The following ECE1 variants were observed in gnomAD, a reference collection of about 807,000 sequenced individuals.
ECE1 encodes endothelin converting enzyme 1.
ECE1 carries 35 observed loss-of-function variants against 98.6 expected under a neutral mutation model. That is an observed-to-expected ratio of 0.35 (90% confidence interval 0.27 to 0.47). ECE1 has a LOEUF of 0.47. ECE1 is among the 20% of genes least tolerant of loss of function. The probability of loss-of-function intolerance (pLI) is 1.00; values close to 1 mark genes in which losing one functional copy is unlikely to be tolerated. For missense variants in ECE1, 814 were observed against 1,025.3 expected (o/e 0.79, Z 2.81); for synonymous variants, 394 against 407.1 (o/e 0.97, Z 0.39).
chr1:21,319,398 G>A lies in ECE1; in HGVS notation c.3+25978C>T, dbSNP rs213015. ...TAATCATAATCATAAAGTGGACTAC[G>A]CAGGGCTTTTCTAGAGACATGATAA... On this transcript the variant is annotated intron_variant, in intron 1 of 18. Transcript: ENST00000415912. This position sits in a 1 kb window ranked among gnomAD's most constrained non-coding sequence, Gnocchi z 4.4. 0.12 allele frequency among the ~76,000 whole-genome samples: 18,765 copies of A among 151,960 alleles called. 1,431 individuals carry two copies. Among genetic ancestry groups the A allele is most frequent in the East Asian group, 0.38 (1,926 of 5,136 alleles).
rs562041565 is a variant in ECE1 at position 21,302,665 on chromosome 1, G to A, written c.4-12509C>T. ...CCCTGCCCTGAGGAATGCACAGAACGCCAGAGTGGGAGCCAGAAGTCCTGG... is the reference window on the plus strand; with the variant it reads ...CCCTGCCCTGAGGAATGCACAGAACACCAGAGTGGGAGCCAGAAGTCCTGG... On this transcript the variant is annotated intron_variant, in intron 1 of 18. Transcript: ENST00000415912. 2.2e-3 allele frequency among the ~76,000 whole-genome samples: 333 copies of A among 152,250 alleles called. 1 individual carries two copies. The highest frequency in any genetic ancestry group is 3.4e-3 in the Middle Eastern group (1 of 294).
intron 4 of ECE1, among the ~76,000 whole-genome samples, chr1:21,270,902 A>G (rs2098239432): frequency 1.3e-5 from 2 of 152,168 alleles, no homozygotes; most frequent in Admixed American, 6.6e-5. Context: ...CCACCTTGTT[A>G]TACTACCTGG....
intron 3 of ECE1, among the ~76,000 whole-genome samples, chr1:21,278,126 A>G (rs1180125276): frequency 6.6e-6 from 1 of 152,206 alleles, no homozygotes; most frequent in Non-Finnish European, 1.5e-5. Context: ...TGCTGAGCAG[A>G]GCCCCCAGAG....
intron 2 of ECE1, among the ~76,000 whole-genome samples, chr1:21,284,506 TGA>T (rs2098258434): frequency 6.6e-6 from 1 of 151,500 alleles, no homozygotes; most frequent in African/African-American, 2.4e-5. Flanking sequence ...GACAAAGAAA[TGA>T]GAGAGCCAGA....
intron 14 of ECE1, among the ~76,000 whole-genome samples, chr1:21,229,937 G>A (rs966061423): frequency 2.0e-5 from 3 of 152,168 alleles, no homozygotes; most frequent in Admixed American, 6.6e-5. Context: ...TTGGGAGGCC[G>A]AGGTGGGAGG....
chr1:21,338,165 T>A (rs539854064), intron 1 of ECE1, among the ~76,000 whole-genome samples: 1 of 151,804 alleles, frequency 6.6e-6, no homozygotes. Flanking sequence ...CAGCTGGGGG[T>A]GTGTGTGGTA....
chr1:21,260,755 T>C lies in ECE1; in HGVS notation c.494-363A>G, dbSNP rs1053332703. On this transcript the variant is annotated intron_variant, in intron 4 of 18. Transcript: ENST00000374893. This position sits in a 1 kb window ranked among gnomAD's most constrained non-coding sequence, Gnocchi z 4.3. Reference sequence around the variant, plus strand: ...GGTACGAACACCCCTGCCTGGTGCATGGGACAGAGGCCGGTCTTGGTTTTC... The same window carrying C: ...GGTACGAACACCCCTGCCTGGTGCACGGGACAGAGGCCGGTCTTGGTTTTC... 1.3e-5 allele frequency among the ~76,000 whole-genome samples: 2 copies of C among 152,198 alleles called. No homozygotes were observed. Among genetic ancestry groups the C allele is most frequent in the African/African-American group, 2.4e-5 (1 of 41,440 alleles).
chr1:21,252,027 C>T (rs1384465112), intron 8 of ECE1, among the ~76,000 whole-genome samples: 1 of 152,188 alleles, frequency 6.6e-6, no homozygotes, highest in Admixed American at 6.5e-5. Flanking sequence ...GACTGCATGA[C>T]CTGTTGGCAA....
intron 2 of ECE1, among the ~76,000 whole-genome samples, chr1:21,288,402 C>T (rs1241485705): frequency 6.6e-6 from 1 of 152,242 alleles, no homozygotes; most frequent in Non-Finnish European, 1.5e-5. Flanking sequence ...GCCATCACCA[C>T]TGAAAGAGAT....
intron 1 of ECE1, among the ~76,000 whole-genome samples, chr1:21,334,179 T>C (rs1569782688): frequency 6.6e-6 from 1 of 152,158 alleles, no homozygotes; most frequent in Admixed American, 6.5e-5. Flanking sequence ...TAACCTGCTG[T>C]ATAGCCTCAG....
chr1:21,341,448 T>C (rs1639396629), intron 1 of ECE1, among the ~76,000 whole-genome samples: 2 of 152,248 alleles, frequency 1.3e-5, no homozygotes, highest in Non-Finnish European at 2.9e-5. Flanking sequence ...TCTCTCACCG[T>C]AGACATGAAA....
At chr1:21,263,368 T>A (rs897138179) in intron 4 of ECE1, among the ~76,000 whole-genome samples, 20 of 151,524 alleles carry the variant, frequency 1.3e-4, no homozygotes, top group African/African-American at 4.8e-4. Flanking sequence ...TTTATTTTTT[T>A]TTTTTTTGAG....
At chr1:21,249,269 G>A (rs1406396107) in intron 8 of ECE1, among the ~76,000 whole-genome samples, 3 of 151,796 alleles carry the variant, frequency 2.0e-5, no homozygotes, top group Non-Finnish European at 4.4e-5. Context: ...CTTGAACCAG[G>A]GAGGCAGAGG....
chr1:21,234,479 CT>C (rs533490069), intron 13 of ECE1, among the ~76,000 whole-genome samples: 2 of 151,228 alleles, frequency 1.3e-5, no homozygotes, highest in East Asian at 3.9e-4. Context: ...AGCTTTCTAG[CT>C]TTTTTTCTGC....
chr1:21,221,120 G>C lies in ECE1; in HGVS notation c.2136+627C>G, dbSNP rs547418903. Among the ~76,000 whole-genome samples, 47 of 152,290 alleles carry C rather than the reference G, an allele frequency of 3.1e-4. No homozygotes were observed. The South Asian group carries it at 6.2e-3, about 20-fold the overall frequency. ...GAACAAATTGTCTAATGGCCTGGTA[G>C]CTCTGAGTGCCAGCAGAAGGCTACC... On this transcript the variant is annotated intron_variant, in intron 18 of 18. Transcript: ENST00000374893.
intron 16 of ECE1, among the ~76,000 whole-genome samples, chr1:21,226,225 G>A (rs2098174057): frequency 6.6e-6 from 1 of 152,222 alleles, no homozygotes; most frequent in Non-Finnish European, 1.5e-5. Flanking sequence ...GACTGGAGAA[G>A]TCTCTGGAGT....
chr1:21,228,865 G>A (rs2098178047), intron 14 of ECE1, among the ~76,000 whole-genome samples: 3 of 160 alleles, frequency 0.019, no homozygotes, highest in South Asian at 0.1. Context: ...TTTTTGAGAC[G>A]GAGCTCACTC....
chr1:21,225,030 A>G lies in ECE1; in HGVS notation c.2040+220T>C, dbSNP rs1295225854. 1.3e-5 allele frequency among the ~76,000 whole-genome samples: 2 copies of G among 152,096 alleles called. No homozygotes were observed. The highest frequency in any genetic ancestry group is 4.8e-5 in the African/African-American group (2 of 41,418). On this transcript the variant is annotated intron_variant, in intron 17 of 18. Coordinates refer to ENST00000374893, the MANE Select transcript of ECE1 (RefSeq NM_001397.3). This position sits in a 1 kb window ranked among gnomAD's most constrained non-coding sequence, Gnocchi z 5.3. The stretch of plus-strand genomic sequence containing the variant: ...CCTTCCTGTGTCTTTGTCAGGCCAG[A>G]CTCAGAGCACAAAGCCTTCTGGTGC...
At chr1:21,236,886 T>G (rs767427922) in intron 11 of ECE1, 42 bp from the exon 12 acceptor site, 1 of 1,565,746 alleles carries the variant, frequency 6.4e-7, no homozygotes, top group East Asian at 2.2e-5. Flanking sequence ...TGCGCACTGG[T>G]CTCAGGTAAA....
Sources: allele counts gnomAD v4.1 joint callset (sites outside exome capture counted in the v4.1 genomes callset), GRCh38; gene constraint gnomAD v4.1.1; non-coding constraint Gnocchi (gnomAD v3.1); transcripts MANE v1.5; gene names NCBI Gene and HGNC (gene_info 2026-07-23, HGNC 2026-07-21).